SHB: variants seen among roughly 807,000 people sequenced by gnomAD.
The protein encoded by SHB is SH2 domain containing adaptor protein B.
Under a neutral mutation model 52.3 loss-of-function variants are expected in SHB, and 20 were observed. That is an observed-to-expected ratio of 0.38 (90% CI 0.27 to 0.56). The LOEUF is 0.56. SHB is among the 20% of genes least tolerant of loss of function. The pLI, the probability that SHB is intolerant of heterozygous loss-of-function variation, is 0.71. For missense variants in SHB, 825 were observed against 723.3 expected (o/e 1.14, Z -1.61); for synonymous variants, 397 against 316.5 (o/e 1.25, Z -2.70).
chr9:38,005,821 G>A (rs1034783137), intron 2 of SHB, among the ~76,000 whole-genome samples: 1 of 152,106 alleles, frequency 6.6e-6, no homozygotes, highest in East Asian at 1.9e-4. Context: ...ACTGTGGCCG[G>A]CTGTCTCCTT....
intron 1 of SHB, among the ~76,000 whole-genome samples, chr9:38,017,255 C>G (rs540609343): frequency 6.6e-6 from 1 of 152,304 alleles, no homozygotes; most frequent in Admixed American, 6.5e-5. Flanking sequence ...CCAGTGCCAC[C>G]CGGCTGCTTC....
At chr9:37,925,186 G>A (rs1052056568) in intron 5 of SHB, among the ~76,000 whole-genome samples, 1 of 152,242 alleles carries the variant, frequency 6.6e-6, no homozygotes, top group Non-Finnish European at 1.5e-5. Flanking sequence ...CCGGGGCAAT[G>A]AGGCCCCATG....
intron 1 of SHB, among the ~76,000 whole-genome samples, chr9:38,026,202 T>C (rs1821340277): frequency 6.6e-6 from 1 of 152,198 alleles, no homozygotes; most frequent in Non-Finnish European, 1.5e-5. Context: ...TCCTGTGCAA[T>C]GTGGTACCTT....
At chr9:38,018,393 C>G (rs1323338552) in intron 1 of SHB, among the ~76,000 whole-genome samples, 2 of 151,964 alleles carry the variant, frequency 1.3e-5, no homozygotes, top group Non-Finnish European at 2.9e-5. Context: ...CTGCCTGCTC[C>G]ACTTACTTCC....
At chr9:37,927,732 G>C (rs535579370) in intron 5 of SHB, among the ~76,000 whole-genome samples, 18 of 152,216 alleles carry the variant, frequency 1.2e-4, no homozygotes, top group African/African-American at 4.3e-4. Flanking sequence ...CCAGGGGTGT[G>C]TAAGTGGGAA....
intron 2 of SHB, among the ~76,000 whole-genome samples, chr9:38,009,257 C>T (rs1456765331): frequency 2.6e-5 from 4 of 152,192 alleles, no homozygotes. Context: ...CAGCAGCATG[C>T]ATGCTTTTGG....
chr9:37,980,358 C>T (rs575287528), intron 2 of SHB, among the ~76,000 whole-genome samples: 173 of 152,354 alleles, frequency 1.1e-3, no homozygotes, highest in Middle Eastern at 6.8e-3. Flanking sequence ...GATTCTATCT[C>T]AAGAAAACTG....
rs559884610 is a variant in SHB, at chr9:37,952,971, T to C, written c.1226+2912A>G. 1.8e-4 allele frequency among the ~76,000 whole-genome samples: 28 copies of C among 152,044 alleles called. No homozygotes were observed. The East Asian group carries it at 4.9e-3, about 26-fold the overall frequency. ...ATGCTACATGTCTGTGAGTCACCACTAGGATCCTGGGAGAGACAACCCAGG... is the reference window on the plus strand; with the variant it reads ...ATGCTACATGTCTGTGAGTCACCACCAGGATCCTGGGAGAGACAACCCAGG... On this transcript the variant is annotated intron_variant, in intron 4 of 5. Transcript: ENST00000377707.
intron 5 of SHB, among the ~76,000 whole-genome samples, chr9:37,942,792 C>T (rs1397060207): frequency 6.6e-6 from 1 of 152,144 alleles, no homozygotes; most frequent in Non-Finnish European, 1.5e-5. Context: ...CCTCGGTCTC[C>T]TGGGATGCCT....
chr9:37,954,911 G>C (rs968526095), intron 4 of SHB, among the ~76,000 whole-genome samples: 2 of 152,072 alleles, frequency 1.3e-5, no homozygotes, highest in African/African-American at 2.4e-5. Context: ...GGCAATAAAG[G>C]GCCCGGCCCT....
intron 1 of SHB, among the ~76,000 whole-genome samples, chr9:38,024,134 T>C (rs887088677): frequency 2.0e-5 from 3 of 152,242 alleles, no homozygotes; most frequent in Admixed American, 6.5e-5. Context: ...AAGCCCCCTC[T>C]TGCATCATGA....
At position 38,034,336 on chromosome 9, in the gene SHB, C is replaced by A. The variant is rs537794100; in HGVS notation, c.718-18205G>T. 1.2e-4 allele frequency among the ~76,000 whole-genome samples: 19 copies of A among 152,348 alleles called. No individual in the cohort carries two copies. In the South Asian group the frequency reaches 3.7e-3, roughly 30 times the overall value. ...ACACAGCTTCCCACAGCCAACCTGA[C>A]CACAGGCTGCAAGGACAGTGATAAT... On this transcript the variant is annotated intron_variant, in intron 1 of 5. Coordinates refer to ENST00000377707, the MANE Select transcript of SHB (RefSeq NM_003028.3).
Position 37,948,390 on chromosome 9 carries a change from T to C in SHB, c.1346+245A>G, listed in dbSNP as rs369225449. 5.3e-5 allele frequency among the ~76,000 whole-genome samples: 8 copies of C among 152,358 alleles called. No homozygotes were observed. The East Asian group carries it at 1.5e-3, about 29-fold the overall frequency. On this transcript the variant is annotated intron_variant, in intron 5 of 5. Coordinates refer to ENST00000377707, the MANE Select transcript of SHB (RefSeq NM_003028.3). ...GCTCACAGCAGATGTGAAAGCTTTC[T>C]TGGATAGTTAATACAAAATCCTAGA...
At position 37,938,008 on chromosome 9, in the gene SHB, G is replaced by A. The variant is rs140600657; in HGVS notation, c.1346+10627C>T. ...TGCCTTAACACTGGGATTTTACCAC[G>A]TGAAGTTAGCTGCTTCAAGCCCCAC... is the stretch of plus-strand genomic sequence containing the variant. On this transcript the variant is annotated intron_variant, in intron 5 of 5. Coordinates refer to ENST00000377707, the MANE Select transcript of SHB (RefSeq NM_003028.3). Among the ~76,000 whole-genome samples the A allele has an allele frequency of 1.4e-3, 217 of 152,318 alleles. 1 individual carries two copies. The highest frequency in any genetic ancestry group is 2.2e-3 in the Non-Finnish European group (148 of 68,026).
chr9:37,921,309 C>T (rs374890734), intron 5 of SHB, among the ~76,000 whole-genome samples: 3 of 152,314 alleles, frequency 2.0e-5, no homozygotes, highest in East Asian at 3.9e-4. Flanking sequence ...GCTCCAGCTC[C>T]GCCCCTAGCC....
intron 5 of SHB, among the ~76,000 whole-genome samples, chr9:37,941,349 C>T (rs981896805): frequency 6.6e-6 from 1 of 152,208 alleles, no homozygotes; most frequent in Non-Finnish European, 1.5e-5. Context: ...TTCATTAATA[C>T]ACCTGTGAAA....
At chr9:38,025,007 A>C (rs1821323090) in intron 1 of SHB, among the ~76,000 whole-genome samples, 1 of 152,226 alleles carries the variant, frequency 6.6e-6, no homozygotes, top group Non-Finnish European at 1.5e-5. Flanking sequence ...GGATGAACTT[A>C]GTAAAGTTAA....
At chr9:38,066,300 G>C (rs572147725) in intron 1 of SHB, among the ~76,000 whole-genome samples, 2 of 152,306 alleles carry the variant, frequency 1.3e-5, no homozygotes, top group Non-Finnish European at 2.9e-5. Flanking sequence ...TGTGGCTGCA[G>C]GGTAACAAGG....
At chr9:37,988,078 C>T (rs1367548147) in intron 2 of SHB, among the ~76,000 whole-genome samples, 1 of 152,186 alleles carries the variant, frequency 6.6e-6, no homozygotes, top group Non-Finnish European at 1.5e-5. Context: ...TGACAATGTG[C>T]CCAGTGCCCA....
Sources: allele counts gnomAD v4.1 joint callset (sites outside exome capture counted in the v4.1 genomes callset), GRCh38; gene constraint gnomAD v4.1.1; transcripts MANE v1.5; gene names NCBI Gene and HGNC (gene_info 2026-07-23, HGNC 2026-07-21).